Variants in SRPX observed in about 807,000 individuals in gnomAD.
The protein encoded by SRPX is sushi repeat containing protein X-linked.
SRPX carries 24 observed loss-of-function variants against 38.1 expected under a neutral mutation model. That is an observed-to-expected ratio of 0.63 (90% confidence interval 0.46 to 0.89). The LOEUF is 0.89. Ranked by LOEUF, SRPX falls within the 40% of genes least tolerant of loss-of-function variation. The pLI, the probability that SRPX is intolerant of heterozygous loss-of-function variation, is 0.00. For synonymous variants in SRPX, 184 were observed against 153.8 expected, an observed-to-expected ratio of 1.20 and a Z score of -1.45; for missense variants, 416 against 377.8, an observed-to-expected ratio of 1.10 and a Z score of -0.84.
chrX:38,219,373 T>C (rs1939473691), intron 1 of SRPX, among the ~76,000 whole-genome samples: 1 of 110,482 alleles, frequency 9.1e-6, no homozygotes, highest in Non-Finnish European at 1.9e-5. Flanking sequence ...GGACGCTTAA[T>C]GACTTCCTCT....
At chrX:38,192,365 T>G (rs765408582) in intron 1 of SRPX, among the ~76,000 whole-genome samples, 2 of 111,594 alleles carry the variant, frequency 1.8e-5, no homozygotes, top group Non-Finnish European at 3.8e-5. Context: ...CCTGGGGGGA[T>G]GGCTCAGGGT....
chrX:38,209,693 G>T (rs1309079142), intron 1 of SRPX, among the ~76,000 whole-genome samples: 2 of 112,587 alleles, frequency 1.8e-5, no homozygotes, highest in East Asian at 5.6e-4. Context: ...ATTCTGAAAG[G>T]AAGTAACGTG....
Position 38,154,477 on chromosome X carries a change from A to T in SRPX, c.1196T>A (p.Leu399Gln). Residue 399 changes from leucine to glutamine, a missense_variant, in exon 9 of 10, where the codon CTA (leucine) becomes CAA (glutamine). Coordinates refer to ENST00000378533, the MANE Select transcript of SRPX (RefSeq NM_006307.5). ...RIGAKIMPPA[L>Q]ALQLRLLLRI... The stretch of plus-strand genomic sequence containing the variant: ...TTCCCCCTACCTGAGCTGCAGCGCT[A>T]GGGCTGGAGGCATAATCTTTGCTCC... 2 of 1,205,300 alleles carry T rather than the reference A, an allele frequency of 1.7e-6. No individual in the cohort carries two copies. Among genetic ancestry groups the T allele is most frequent in the Non-Finnish European group, 2.2e-6 (2 of 892,271 alleles).
At chrX:38,213,480 C>T (rs1424504396) in intron 1 of SRPX, among the ~76,000 whole-genome samples, 1 of 111,760 alleles carries the variant, frequency 8.9e-6, no homozygotes, top group Non-Finnish European at 1.9e-5. Context: ...AGGACTGACA[C>T]TGAGGCAGCA....
At chrX:38,216,249 AT>A (rs751883954) in intron 1 of SRPX, among the ~76,000 whole-genome samples, 2 of 112,060 alleles carry the variant, frequency 1.8e-5, no homozygotes, top group Non-Finnish European at 3.8e-5. Context: ...TGTCAATCCA[AT>A]TGTATTATAA....
intron 9 of SRPX, among the ~76,000 whole-genome samples, chrX:38,150,409 T>TC (rs1398868696): frequency 8.9e-6 from 1 of 111,815 alleles, no homozygotes; most frequent in Non-Finnish European, 1.9e-5. Flanking sequence ...GTGATTTTGC[T>TC]CCCCACCCCC....
At chrX:38,217,693 A>T (rs1400767258) in intron 1 of SRPX, among the ~76,000 whole-genome samples, 1 of 112,112 alleles carries the variant, frequency 8.9e-6, no homozygotes, top group Non-Finnish European at 1.9e-5. Context: ...AATGAGCTAG[A>T]ATTAGAGAGA....
chrX:38,162,674 C>T (rs997466620), intron 5 of SRPX, among the ~76,000 whole-genome samples: 3 of 111,920 alleles, frequency 2.7e-5, no homozygotes, highest in African/African-American at 9.7e-5. Context: ...ATTAGCAGGG[C>T]ATGGTGGTGC....
intron 4 of SRPX, among the ~76,000 whole-genome samples, chrX:38,169,213 G>T: frequency 8.9e-6 from 1 of 112,292 alleles, no homozygotes; most frequent in East Asian, 2.8e-4. Flanking sequence ...ATGTGTATTT[G>T]TCAACCCAGG....
rs148628307 is a variant in SRPX, at chrX:38,174,285, C to A, written c.224G>T (p.Gly75Val). Reference sequence around the variant, plus strand: ...GGTTCCCAGGGCTGTTTTGTAGTATCCTCCTTGAGGGGCCCTGCAGTACAC... The same window carrying A: ...GGTTCCCAGGGCTGTTTTGTAGTATACTCCTTGAGGGGCCCTGCAGTACAC... ...GDVYCRAPQG[G>V]YYKTALGTRC... The change falls in exon 3 of 10, where the codon GGA becomes GTA. Residue 75 changes from glycine (G) to valine (V), a missense_variant. Physicochemically the swap from Gly to Val is moderately radical, Grantham distance 109 (BLOSUM62 -3). Transcript: ENST00000378533. 15 of 1,152,185 alleles carry A rather than the reference C, an allele frequency of 1.3e-5. No individual in the cohort carries two copies. The highest frequency in any genetic ancestry group is 2.5e-4 in the Middle Eastern group (1 of 3,965). 95.0% of individuals were successfully genotyped at this position (1,152,185 alleles called of 1,213,427 possible).
chrX:38,191,355 C>T (rs1490916900), intron 1 of SRPX, among the ~76,000 whole-genome samples: 3 of 112,127 alleles, frequency 2.7e-5, no homozygotes, highest in African/African-American at 9.7e-5. Flanking sequence ...AATACTATAG[C>T]TCAGACTTAA....
chrX:38,156,694 G>T (rs915494732), intron 8 of SRPX, among the ~76,000 whole-genome samples: 1 of 112,458 alleles, frequency 8.9e-6, no homozygotes, highest in Non-Finnish European at 1.9e-5. Context: ...GTTGGAAAAC[G>T]ATTGGGTTAA....
At chrX:38,169,937 T>C (rs1185881309) in intron 4 of SRPX, among the ~76,000 whole-genome samples, 1 of 112,464 alleles carries the variant, frequency 8.9e-6, no homozygotes, top group Non-Finnish European at 1.9e-5. Flanking sequence ...AGGTTTATTT[T>C]CTTCCAGATC....
At position 38,164,779 on chromosome X, in the gene SRPX, T is replaced by A. The variant is rs747875312; in HGVS notation, c.643A>T (p.Ile215Phe). The A allele has an allele frequency of 2.5e-6, 3 of 1,208,031 alleles. No homozygotes were observed. The highest frequency in any genetic ancestry group is 3.4e-6 in the Non-Finnish European group (3 of 894,603). Reference protein sequence around the residue: ...TPEGRDTADGILTDVILKGLP... With the variant: ...TPEGRDTADGFLTDVILKGLP... ...CCAAGTTTCACTTACTCAGTAAGAA[T>A]TCCATCTGCTGTGTCTCTTCCTTCG... The change falls in exon 5 of 10, where the codon ATT (isoleucine) becomes TTT (phenylalanine). Residue 215 changes from isoleucine to phenylalanine, a missense_variant. By Grantham distance (21) the Ile-to-Phe change is conservative (BLOSUM62 0). Coordinates refer to ENST00000378533, the MANE Select transcript of SRPX (RefSeq NM_006307.5).
chrX:38,160,380 A>G (rs1477038644), intron 6 of SRPX, among the ~76,000 whole-genome samples, 184 bp from the exon 7 acceptor site: 3 of 112,136 alleles, frequency 2.7e-5, no homozygotes, highest in African/African-American at 9.7e-5. Context: ...CACCATCCAT[A>G]CCAATGAGAC....
At chrX:38,195,680 A>T (rs915717733) in intron 1 of SRPX, among the ~76,000 whole-genome samples, 1 of 111,877 alleles carries the variant, frequency 8.9e-6, no homozygotes, top group African/African-American at 3.3e-5. Flanking sequence ...AAGTACTGAG[A>T]GAGTCCCAAT....
chrX:38,167,685 G>A (rs1938388155), intron 4 of SRPX, among the ~76,000 whole-genome samples: 1 of 112,066 alleles, frequency 8.9e-6, no homozygotes, highest in Admixed American at 9.5e-5. Context: ...TCCCTTCTCT[G>A]TGCTCTAGTT....
intron 5 of SRPX, among the ~76,000 whole-genome samples, chrX:38,163,287 T>C (rs1390014836): frequency 8.9e-6 from 1 of 112,227 alleles, no homozygotes; most frequent in Non-Finnish European, 1.9e-5. Context: ...CTCCTCTCAC[T>C]AGAAACTGTA....
At chrX:38,178,832 A>T (rs1453989113) in intron 1 of SRPX, among the ~76,000 whole-genome samples, 1 of 112,057 alleles carries the variant, frequency 8.9e-6, no homozygotes, top group Non-Finnish European at 1.9e-5. Context: ...TTATCTTGAC[A>T]AAAGAAACAC....
Sources: allele counts gnomAD v4.1 joint callset (sites outside exome capture counted in the v4.1 genomes callset), GRCh38; gene constraint gnomAD v4.1.1; transcripts MANE v1.5; gene names NCBI Gene and HGNC (gene_info 2026-07-23, HGNC 2026-07-21).